Variants in IGF1R observed in about 807,000 individuals in gnomAD.
The protein encoded by IGF1R is insulin like growth factor 1 receptor.
IGF1R carries 44 observed loss-of-function variants against 144.6 expected under a neutral mutation model. That is an observed-to-expected ratio of 0.30 (90% CI 0.24 to 0.39). The LOEUF is 0.39. IGF1R is among the 10% of genes least tolerant of loss of function. IGF1R has a pLI of 1.00. For missense variants in IGF1R, 1,355 were observed against 1,833.7 expected (o/e 0.74, Z 4.77); for synonymous variants, 795 against 722.8 (o/e 1.10, Z -1.60).
chr15:98,910,866 G>C (rs142005831), intron 6 of IGF1R, among the ~76,000 whole-genome samples: 1,753 of 152,292 alleles, frequency 0.012, 35 homozygotes, highest in African/African-American at 0.04. Flanking sequence ...GTCTTTGGTG[G>C]TTGTACACGA....
At chr15:98,650,872 T>G (rs1046365188) in intron 1 of IGF1R, 1 of 979,564 alleles carries the variant, frequency 1.0e-6, no homozygotes. Flanking sequence ...TTTGTTTTGG[T>G]GGTGTCGGGT....
chr15:98,935,143 TG>T lies in IGF1R; in HGVS notation c.3186+93del. The T allele has an allele frequency of 8.6e-7, 1 of 1,156,652 alleles. No homozygotes were observed. Among genetic ancestry groups the T allele is most frequent in the Non-Finnish European group, 1.3e-6 (1 of 778,100 alleles). 71.6% of individuals were successfully genotyped at this position (1,156,652 alleles called of 1,614,324 possible). On this transcript the variant is annotated intron_variant, in intron 16 of 20. Coordinates refer to ENST00000650285, the MANE Select transcript of IGF1R (RefSeq NM_000875.5). The surrounding 1 kb of genome is among the most constrained non-coding windows in gnomAD (Gnocchi z 4.2). ...GTATGTTCTTGGCTGCATGTACCCGTGGGTTTGGTGTCTTGCCTTTGCCTTC... is the reference window on the plus strand; with the variant it reads ...GTATGTTCTTGGCTGCATGTACCCGTGGTTTGGTGTCTTGCCTTTGCCTTC...
chr15:98,798,224 C>T (rs2056290950), intron 2 of IGF1R, among the ~76,000 whole-genome samples: 2 of 152,028 alleles, frequency 1.3e-5, no homozygotes, highest in South Asian at 2.1e-4. Flanking sequence ...TGGTGCCAGG[C>T]AGGTATCCGG....
chr15:98,688,979 C>T (rs1050599854), intron 1 of IGF1R, among the ~76,000 whole-genome samples: 1 of 152,088 alleles, frequency 6.6e-6, no homozygotes, highest in Non-Finnish European at 1.5e-5. Context: ...GTGTGGTGGG[C>T]GACGACTTTG....
At chr15:98,799,293 C>T (rs2056313183) in intron 2 of IGF1R, among the ~76,000 whole-genome samples, 1 of 151,778 alleles carries the variant, frequency 6.6e-6, no homozygotes, top group Admixed American at 6.6e-5. Context: ...CATAGAAAAC[C>T]CACAGAGAAC....
chr15:98,952,475 A>G (rs2151731534), intron 20 of IGF1R, among the ~76,000 whole-genome samples: 1 of 152,348 alleles, frequency 6.6e-6, no homozygotes. Flanking sequence ...ATCTGCATAA[A>G]GGTACAGTGC....
At chr15:98,806,519 T>C (rs945193130) in intron 2 of IGF1R, among the ~76,000 whole-genome samples, 2 of 151,574 alleles carry the variant, frequency 1.3e-5, no homozygotes, top group African/African-American at 4.8e-5. Flanking sequence ...TGTTGAATAG[T>C]AGGAGACTCT....
intron 19 of IGF1R, among the ~76,000 whole-genome samples, chr15:98,945,993 G>C (rs1034155768): frequency 1.3e-5 from 2 of 152,008 alleles, no homozygotes; most frequent in Non-Finnish European, 2.9e-5. Flanking sequence ...GGGTGTGGAA[G>C]ATGCGGGGAT....
chr15:98,694,481 T>G (rs2053551857), intron 1 of IGF1R, among the ~76,000 whole-genome samples: 1 of 151,886 alleles, frequency 6.6e-6, no homozygotes, highest in African/African-American at 2.4e-5. Context: ...CCACCTGACT[T>G]TCCCCATTTT....
intron 2 of IGF1R, among the ~76,000 whole-genome samples, chr15:98,851,040 G>A (rs1472542864): frequency 6.6e-6 from 1 of 152,172 alleles, no homozygotes; most frequent in Non-Finnish European, 1.5e-5. Flanking sequence ...TACCAAAACC[G>A]ATTTCGGAGC....
At position 98,935,460 on chromosome 15, in the gene IGF1R, C is replaced by A; in HGVS notation, c.3297+34C>A. Reference sequence around the variant, plus strand: ...TCATTTCCACCGGTATTGCATGTTGCCTGGCCTGCTCTCTTTTCCTTTATA... The same window carrying A: ...TCATTTCCACCGGTATTGCATGTTGACTGGCCTGCTCTCTTTTCCTTTATA... On this transcript the variant is annotated intron_variant, in intron 17 of 20. Transcript: ENST00000650285. The surrounding 1 kb of genome is among the most constrained non-coding windows in gnomAD (Gnocchi z 4.2). 1 of 1,187,476 alleles carries A rather than the reference C, an allele frequency of 8.4e-7. No homozygotes were observed. The highest frequency in any genetic ancestry group is 1.2e-6 in the Non-Finnish European group (1 of 814,226). The allele number at this position is 1,187,476 out of a possible 1,614,324, so 73.6% of individuals were successfully genotyped here. A position where few individuals can be genotyped will look rare whatever the true frequency, so the allele number is the denominator to read the frequency against.
chr15:98,784,025 A>G (rs1390943938), intron 2 of IGF1R, among the ~76,000 whole-genome samples: 1 of 132,692 alleles, frequency 7.5e-6, no homozygotes, highest in Non-Finnish European at 1.5e-5. Context: ...CCCAGGCTAG[A>G]GTGCAATGGC....
intron 2 of IGF1R, among the ~76,000 whole-genome samples, chr15:98,765,270 G>GTATATCTC (rs936489319): frequency 2.3e-4 from 32 of 136,504 alleles, no homozygotes; most frequent in African/African-American, 8.6e-4. Context: ...TAAACTTAAT[G>GTATATCTC]TATATCTCTC....
intron 2 of IGF1R, among the ~76,000 whole-genome samples, chr15:98,796,470 T>C (rs1425209541): frequency 6.6e-6 from 1 of 152,176 alleles, no homozygotes; most frequent in Non-Finnish European, 1.5e-5. Context: ...GTGCTCTTCT[T>C]GAGCTGAGAA....
chr15:98,942,919 A>G lies in IGF1R; in HGVS notation c.3458-4A>G. ...GTGACTCTGCGCCCTCTCTTCCCTTACAGATTTTGGTATGACGCGAGATAT... is the reference window on the plus strand; with the variant it reads ...GTGACTCTGCGCCCTCTCTTCCCTTGCAGATTTTGGTATGACGCGAGATAT... On this transcript the variant is annotated splice_region_variant and splice_polypyrimidine_tract_variant and intron_variant, in intron 18 of 20. Transcript: ENST00000650285. The G allele has an allele frequency of 6.2e-7, 1 of 1,614,032 alleles. No individual in the cohort carries two copies. The highest frequency in any genetic ancestry group is 1.1e-5 in the South Asian group (1 of 91,076).
At chr15:98,729,254 T>G (rs530682223) in intron 2 of IGF1R, among the ~76,000 whole-genome samples, 2 of 152,348 alleles carry the variant, frequency 1.3e-5, no homozygotes, top group Admixed American at 1.3e-4. Context: ...TTATATGTAC[T>G]CTGATTCTTC....
chr15:98,765,459 C>A (rs1245187832), intron 2 of IGF1R, among the ~76,000 whole-genome samples: 1 of 151,804 alleles, frequency 6.6e-6, no homozygotes, highest in Non-Finnish European at 1.5e-5. Context: ...CAGGTGTGAG[C>A]CACCACACCT....
intron 1 of IGF1R, among the ~76,000 whole-genome samples, chr15:98,666,413 G>A (rs372955895): frequency 3.3e-5 from 5 of 152,154 alleles, no homozygotes; most frequent in African/African-American, 7.2e-5. Context: ...GCAGGGGCTC[G>A]AACAGATATT....
intron 2 of IGF1R, among the ~76,000 whole-genome samples, chr15:98,850,755 T>G (rs1596358199): frequency 6.7e-6 from 1 of 150,106 alleles, no homozygotes; most frequent in African/African-American, 2.5e-5. Flanking sequence ...TGGGGGGGGG[T>G]ACCATGTTAA....
Sources: gnomAD v4.1 joint callset for allele counts (sites outside exome capture counted in the v4.1 genomes callset) on GRCh38, gnomAD v4.1.1 for gene constraint, Gnocchi (gnomAD v3.1) non-coding constraint, MANE v1.5 for transcripts, NCBI Gene and HGNC (gene_info 2026-07-23, HGNC 2026-07-21) for gene names.